IGSF5: variants seen among roughly 807,000 people sequenced by gnomAD.
The protein encoded by IGSF5 is immunoglobulin superfamily member 5.
In IGSF5, 41 loss-of-function variants were observed where a neutral mutation model predicts 39.4. That is an observed-to-expected ratio of 1.04 (90% CI 0.81 to 1.35). IGSF5 has a LOEUF of 1.35. Among genes scored for constraint, IGSF5 ranks in the 40% most tolerant of loss-of-function variants. The pLI is 0.00. For synonymous variants in IGSF5, 183 were observed against 175.3 expected (o/e 1.04, Z -0.34); for missense variants, 487 against 494.6 (o/e 0.98, Z 0.15).
At chr21:39,765,910 A>T in intron 3 of IGSF5, 58 bp downstream of exon 3, 1 of 1,511,582 alleles carries the variant, frequency 6.6e-7, no homozygotes, top group Admixed American at 1.9e-5. Flanking sequence ...GGCAGGAAGG[A>T]CCTTCTAAAG....
chr21:39,713,477 C>T, the IGSF5 span, among the ~76,000 whole-genome samples: 1 of 152,164 alleles, frequency 6.6e-6, no homozygotes, highest in Non-Finnish European at 1.5e-5. Context: ...ACCTAAGGGT[C>T]TGTGCTGTGA....
intron 2 of IGSF5, among the ~76,000 whole-genome samples, chr21:39,754,784 G>A (rs1397621168): frequency 6.6e-6 from 1 of 152,128 alleles, no homozygotes; most frequent in South Asian, 2.1e-4. Flanking sequence ...AACAATACCC[G>A]GCATATGTCT....
chr21:39,739,296 G>C, the IGSF5 span, among the ~76,000 whole-genome samples: 1 of 151,300 alleles, frequency 6.6e-6, no homozygotes, highest in Non-Finnish European at 1.5e-5. Context: ...GTGAAATAGA[G>C]TGAAAATAGA....
chr21:39,764,638 C>T (rs757682142), intron 2 of IGSF5, among the ~76,000 whole-genome samples: 4 of 152,200 alleles, frequency 2.6e-5, no homozygotes, highest in African/African-American at 9.7e-5. Context: ...CTGCACCTGG[C>T]CTACCTTGCC....
the IGSF5 span, among the ~76,000 whole-genome samples, chr21:39,712,205 T>C: frequency 1.3e-5 from 2 of 152,190 alleles, no homozygotes; most frequent in Non-Finnish European, 2.9e-5. Flanking sequence ...ATCTCCAAGC[T>C]GTATCCTCAA....
At chr21:39,788,771 C>A (rs969125389) in intron 6 of IGSF5, among the ~76,000 whole-genome samples, 6 of 152,170 alleles carry the variant, frequency 3.9e-5, no homozygotes, top group African/African-American at 1.4e-4. Context: ...TAGCCAGTAA[C>A]CCTTTTAAAT....
chr21:39,778,973 C>T, intron 4 of IGSF5, 117 bp from the exon 5 acceptor site: 4 of 1,248,282 alleles, frequency 3.2e-6, no homozygotes, highest in Non-Finnish European at 4.4e-6. Context: ...GACGCCTAGC[C>T]ATAGCAGGCT....
the IGSF5 span, among the ~76,000 whole-genome samples, chr21:39,716,574 C>T: frequency 1.3e-5 from 2 of 152,134 alleles, no homozygotes; most frequent in African/African-American, 2.4e-5. Flanking sequence ...ATTTAGCTCC[C>T]GCTTGTAAGT....
upstream of IGSF5, among the ~76,000 whole-genome samples, chr21:39,740,360 A>T (rs1287255021): frequency 6.6e-6 from 1 of 152,142 alleles, no homozygotes; most frequent in Non-Finnish European, 1.5e-5. Context: ...GGCCAATAAT[A>T]ATTCCCTAAT....
At chr21:39,739,953 T>A in the IGSF5 span, among the ~76,000 whole-genome samples, 1 of 152,062 alleles carries the variant, frequency 6.6e-6, no homozygotes, top group Non-Finnish European at 1.5e-5. Context: ...TGCTTGAGAG[T>A]TTTGAAAAGT....
At chr21:39,799,235 G>A (rs1415305479) in intron 8 of IGSF5, among the ~76,000 whole-genome samples, 2 of 152,202 alleles carry the variant, frequency 1.3e-5, no homozygotes. Flanking sequence ...CAGAAATGGT[G>A]GATGTATTTC....
chr21:39,801,074 G>A, intron 8 of IGSF5, among the ~76,000 whole-genome samples, 188 bp from the exon 9 acceptor site: 1 of 152,200 alleles, frequency 6.6e-6, no homozygotes, highest in East Asian at 1.9e-4. Flanking sequence ...TTTAGGGCCT[G>A]AACTTGGAAA....
At position 39,746,270 on chromosome 21, in the gene IGSF5, G is replaced by A. The variant is rs2079974331; in HGVS notation, c.72G>A (p.Leu24=). The A allele has an allele frequency of 2.9e-6, 2 of 701,452 alleles. No homozygotes were observed. The highest frequency in any genetic ancestry group is 3.7e-4 in the Middle Eastern group (1 of 2,736). The allele number at this position is 701,452 out of a possible 1,614,324, so 43.5% of individuals were successfully genotyped here. A position where few individuals can be genotyped will look rare whatever the true frequency, so the allele number is the denominator to read the frequency against. The part of the protein sequence containing the change: ...DLEEWKSAAG[L]RWWQTAVVDG... ...AGGAATGGAAGTCAGCGGCGGGTCT[G>A]CGATGGTGGCAAACAGCAGTGGTGG... The change falls in exon 2 of 9, where the codon CTG becomes CTA. Residue 24 remains leucine (L), a synonymous_variant. Coordinates refer to ENST00000380588, the MANE Select transcript of IGSF5 (RefSeq NM_001080444.2).
At chr21:39,746,397 A>G in intron 2 of IGSF5, 99 bp downstream of exon 2, 1 of 611,934 alleles carries the variant, frequency 1.6e-6, no homozygotes. Context: ...GAGCTCCCAT[A>G]CAAAGGGAGG....
the IGSF5 span, among the ~76,000 whole-genome samples, chr21:39,731,326 T>C: frequency 6.6e-6 from 1 of 152,222 alleles, no homozygotes; most frequent in Admixed American, 6.5e-5. Context: ...CCCCTCTCCC[T>C]GAATCTGAAC....
chr21:39,735,295 A>G, the IGSF5 span, among the ~76,000 whole-genome samples: 6 of 152,328 alleles, frequency 3.9e-5, no homozygotes, highest in East Asian at 1.9e-4. Flanking sequence ...TAATTTTTCT[A>G]TAATGACTGT....
chr21:39,776,409 C>T (rs2080141212), intron 4 of IGSF5, among the ~76,000 whole-genome samples: 1 of 152,096 alleles, frequency 6.6e-6, no homozygotes, highest in Non-Finnish European at 1.5e-5. Flanking sequence ...GGAGCATGGT[C>T]ACAACAAATA....
the IGSF5 span, among the ~76,000 whole-genome samples, chr21:39,733,622 C>A: frequency 6.6e-6 from 1 of 152,306 alleles, no homozygotes; most frequent in South Asian, 2.1e-4. Context: ...AAGAGCTCCA[C>A]AATTAGAAAG....
intron 2 of IGSF5, among the ~76,000 whole-genome samples, chr21:39,755,949 C>CAAAG (rs2080027811): frequency 6.7e-6 from 1 of 149,890 alleles, no homozygotes; most frequent in Non-Finnish European, 1.5e-5. Context: ...ACTAAAAATA[C>CAAAG]AAAAAAAATT....
Sources: allele counts gnomAD v4.1 joint callset (sites outside exome capture counted in the v4.1 genomes callset), GRCh38; gene constraint gnomAD v4.1.1; transcripts MANE v1.5; gene names NCBI Gene and HGNC (gene_info 2026-07-23, HGNC 2026-07-21).